GAN: variants seen among roughly 807,000 people sequenced by gnomAD.
GAN encodes epididymis secretory sperm binding protein.
GAN carries 48 observed loss-of-function variants against 71.3 expected under a neutral mutation model. That is an observed-to-expected ratio of 0.67 (90% CI 0.53 to 0.86). The LOEUF (loss-of-function observed/expected upper bound fraction) is 0.86, where lower values mean the gene tolerates loss of function less well. Among genes scored for constraint, GAN ranks in the 40% least tolerant of loss-of-function variants. The pLI is 0.00. For missense variants in GAN, 928 were observed against 770.1 expected (o/e 1.21, Z -2.43); for synonymous variants, 386 against 276.8 (o/e 1.39, Z -3.92).
At chr16:81,342,722 C>G (rs1909986418) in intron 1 of GAN, among the ~76,000 whole-genome samples, 1 of 152,142 alleles carries the variant, frequency 6.6e-6, no homozygotes, top group Non-Finnish European at 1.5e-5. Flanking sequence ...ATTAAAAGAA[C>G]TAGAGAAGCA....
chr16:81,356,806 T>G lies in GAN; in HGVS notation c.655T>G (p.Ser219Ala). 1.9e-6 allele frequency: 3 copies of G among 1,613,108 alleles called. No individual in the cohort carries two copies. The highest frequency in any genetic ancestry group is 1.7e-4 in the Middle Eastern group (1 of 6,060). The change falls in exon 4 of 11, where the codon TCA becomes GCA. Residue 219 changes from serine to alanine, a missense_variant. By Grantham distance (99) the Ser-to-Ala change is moderately conservative. Transcript: ENST00000648994. ...GCAGGTCCACATGAAGGATGTTATG[T>G]CAGCTCTGTGGGTTTCAGGGTTGGA... ...IRKVHMKDVM[S>A]ALWVSGLDSS...
chr16:81,363,380 C>G (rs988700833), intron 6 of GAN, among the ~76,000 whole-genome samples: 4 of 152,160 alleles, frequency 2.6e-5, no homozygotes, highest in Non-Finnish European at 5.9e-5. Context: ...GGCTGTTGTG[C>G]TGGAAGAGTG....
rs551963269 is a variant in GAN, at chr16:81,337,811, T to C, written c.168-13772T>C. Among the ~76,000 whole-genome samples the C allele has an allele frequency of 1.2e-4, 19 of 152,278 alleles. 1 individual carries two copies. In the South Asian group the frequency reaches 2.5e-3, roughly 20 times the overall value. ...TAATAGAACAGAAGAACAGAAAAATTTTTTAAAAAGTTTGGCCAAAGGATG... is the reference window on the plus strand; with the variant it reads ...TAATAGAACAGAAGAACAGAAAAATCTTTTAAAAAGTTTGGCCAAAGGATG... On this transcript the variant is annotated intron_variant, in intron 1 of 10. Transcript: ENST00000648994.
rs1479194700 is a variant in GAN at position 81,369,343 on chromosome 16, T to C, written c.1502+3865T>C. Among the ~76,000 whole-genome samples the C allele has an allele frequency of 1.3e-5, 2 of 152,178 alleles. 1 individual carries two copies. Among genetic ancestry groups the C allele is most frequent in the Middle Eastern group, 6.3e-3 (2 of 316 alleles). ...AACAATACTGCATCCTGGGTGAATC[T>C]GCAAAAACCATGCCACCATGAAAGA... On this transcript the variant is annotated intron_variant, in intron 9 of 10. Transcript: ENST00000648994.
chr16:81,323,897 G>C (rs547409756), intron 1 of GAN, among the ~76,000 whole-genome samples: 1 of 152,288 alleles, frequency 6.6e-6, no homozygotes, highest in East Asian at 1.9e-4. Flanking sequence ...CCAGTATGTG[G>C]AGACCTATGT....
chr16:81,332,522 C>T (rs917433074), intron 1 of GAN, among the ~76,000 whole-genome samples: 1 of 152,202 alleles, frequency 6.6e-6, no homozygotes, highest in African/African-American at 2.4e-5. Flanking sequence ...CTTGCTCTCC[C>T]TCCAAGTATG....
rs182559 is a variant in GAN at position 81,387,879 on chromosome 16, T to C, written c.*10283T>C. The C allele has an allele frequency of 0.24, 35,799 of 151,936 alleles. 4,569 individuals carry two copies. Among genetic ancestry groups the C allele is most frequent in the Non-Finnish European group, 0.3 (20,486 of 67,938 alleles). 9.4% of individuals were successfully genotyped at this position (151,936 alleles called of 1,614,324 possible). ...AAATAGGGGAAACACGGGATCAAGA[T>C]CATTAGAGATTTATAGGCTGGGATG... On this transcript the variant is annotated 3_prime_UTR_variant, in exon 11 of 11. Transcript: ENST00000648994.
intron 5 of GAN, among the ~76,000 whole-genome samples, chr16:81,361,799 A>G (rs979619158): frequency 2.0e-5 from 3 of 151,988 alleles, no homozygotes; most frequent in Non-Finnish European, 4.4e-5. Context: ...GGCTCAAGCG[A>G]TCCTCCCATT....
At chr16:81,328,080 C>A (rs976758936) in intron 1 of GAN, among the ~76,000 whole-genome samples, 1 of 152,236 alleles carries the variant, frequency 6.6e-6, no homozygotes, top group African/African-American at 2.4e-5. Flanking sequence ...TTTTAACATG[C>A]ATTTTCAAAC....
At chr16:81,341,898 G>A (rs570826951) in intron 1 of GAN, among the ~76,000 whole-genome samples, 1 of 152,136 alleles carries the variant, frequency 6.6e-6, no homozygotes, top group Admixed American at 6.5e-5. Context: ...CATCTCACAT[G>A]CAAAGACACA....
intron 1 of GAN, among the ~76,000 whole-genome samples, chr16:81,320,207 G>A (rs575346340): frequency 6.6e-6 from 1 of 152,212 alleles, no homozygotes; most frequent in South Asian, 2.1e-4. Context: ...AGACTAATAG[G>A]ATCTCTGTAG....
chr16:81,323,528 C>G (rs775698296), intron 1 of GAN, among the ~76,000 whole-genome samples: 40 of 152,056 alleles, frequency 2.6e-4, no homozygotes, highest in Admixed American at 5.9e-4. Flanking sequence ...TTGTGTTTAC[C>G]AATAATAGAT....
intron 1 of GAN, among the ~76,000 whole-genome samples, chr16:81,334,131 T>C (rs185594626): frequency 6.6e-5 from 10 of 152,362 alleles, no homozygotes; most frequent in Non-Finnish European, 1.5e-4. Flanking sequence ...CAAATGTAAT[T>C]GGACATGGTT....
Position 81,378,306 on chromosome 16 carries a change from T to C in GAN, c.*710T>C, listed in dbSNP as rs1025529119. ...TGAAAGAAGTTGCTCGCTTCTGTGT[T>C]GACTTAGATCAAGACACGTCACGCA... On this transcript the variant is annotated 3_prime_UTR_variant, in exon 11 of 11. Coordinates refer to ENST00000648994, the MANE Select transcript of GAN (RefSeq NM_022041.4). 6 of 154,106 alleles carry C rather than the reference T, an allele frequency of 3.9e-5. No homozygotes were observed. The highest frequency in any genetic ancestry group is 1.4e-4 in the African/African-American group (6 of 41,468). The allele number at this position is 154,106 out of a possible 1,614,324, so 9.5% of individuals were successfully genotyped here. A position where few individuals can be genotyped will look rare whatever the true frequency, so the allele number is the denominator to read the frequency against.
At chr16:81,325,010 A>T (rs949483978) in intron 1 of GAN, among the ~76,000 whole-genome samples, 3 of 152,134 alleles carry the variant, frequency 2.0e-5, no homozygotes, top group Non-Finnish European at 2.9e-5. Context: ...AAAAGGGCAG[A>T]CCAGGGATGA....
At chr16:81,338,232 A>T (rs1175530463) in intron 1 of GAN, among the ~76,000 whole-genome samples, 2 of 152,156 alleles carry the variant, frequency 1.3e-5, no homozygotes, top group Non-Finnish European at 2.9e-5. Context: ...GTGATATTTT[A>T]AGGTTGCTGC....
In GAN at chr16:81,378,166, T is replaced by C. The variant is rs1904288599; in HGVS notation, c.*570T>C. The C allele has an allele frequency of 6.3e-6, 1 of 157,748 alleles. No individual in the cohort carries two copies. The highest frequency in any genetic ancestry group is 1.4e-5 in the Non-Finnish European group (1 of 70,990). 9.8% of individuals were successfully genotyped at this position (157,748 alleles called of 1,614,324 possible). On this transcript the variant is annotated 3_prime_UTR_variant, in exon 11 of 11. Coordinates refer to ENST00000648994, the MANE Select transcript of GAN (RefSeq NM_022041.4). ...CTAGTACTCTGTCCTAAGAATCTTTTTAAAACTATATCATGATGAATTGAA... is the reference window on the plus strand; with the variant it reads ...CTAGTACTCTGTCCTAAGAATCTTTCTAAAACTATATCATGATGAATTGAA...
chr16:81,327,242 A>G (rs1015144226), intron 1 of GAN, among the ~76,000 whole-genome samples: 7 of 152,222 alleles, frequency 4.6e-5, no homozygotes, highest in African/African-American at 1.4e-4. Context: ...CCTTGACAAC[A>G]TTTTGGAAGG....
chr16:81,352,682 C>A (rs1359776670), intron 2 of GAN, among the ~76,000 whole-genome samples: 1 of 152,202 alleles, frequency 6.6e-6, no homozygotes, highest in Non-Finnish European at 1.5e-5. Flanking sequence ...CAGTGATTCT[C>A]ATCCTTTTTG....
Sources: allele counts gnomAD v4.1 joint callset (sites outside exome capture counted in the v4.1 genomes callset), GRCh38; gene constraint gnomAD v4.1.1; transcripts MANE v1.5; gene names NCBI Gene and HGNC (gene_info 2026-07-23, HGNC 2026-07-21).